Variants in NEDD1 observed in about 807,000 individuals in gnomAD.
NEDD1 encodes the protein protein NEDD1.
Under a neutral mutation model 74.0 loss-of-function variants are expected in NEDD1, and 33 were observed. The observed-to-expected ratio is 0.45, with a 90% CI of 0.34 to 0.60. NEDD1 has a LOEUF of 0.60. NEDD1 is among the 20% of genes least tolerant of loss of function. The pLI, the probability that NEDD1 is intolerant of heterozygous loss-of-function variation, is 0.01. For synonymous variants in NEDD1, 250 were observed against 264.4 expected (o/e 0.95, Z 0.53); for missense variants, 746 against 776.5 (o/e 0.96, Z 0.47).
At chr12:96,909,707 T>C in intron 2 of NEDD1, 45 bp from the exon 3 acceptor site, 1 of 1,514,638 alleles carries the variant, frequency 6.6e-7, no homozygotes, top group Non-Finnish European at 9.1e-7. Flanking sequence ...TGAGTATGTC[T>C]ATTCTTAAAT....
At chr12:96,936,952 T>C (rs1423427337) in intron 8 of NEDD1, 140 bp downstream of exon 8, 1 of 597,216 alleles carries the variant, frequency 1.7e-6, no homozygotes, top group Non-Finnish European at 2.8e-6. Flanking sequence ...ATAATAATTT[T>C]AGTACAAAGC....
Position 96,917,598 on chromosome 12 carries a change from CTTTTTTTT to C in NEDD1, c.232-14_232-7del. 1 of 1,358,050 alleles carries C rather than the reference CTTTTTTTT, an allele frequency of 7.4e-7. No homozygotes were observed. The highest frequency in any genetic ancestry group is 9.7e-7 in the Non-Finnish European group (1 of 1,031,260). The allele number at this position is 1,358,050 out of a possible 1,614,324, so 84.1% of individuals were successfully genotyped here. A position where few individuals can be genotyped will look rare whatever the true frequency, so the allele number is the denominator to read the frequency against. ...TCTGGGCTCTGTTAAATTAAGGTAACTTTTTTTTTTTTTTTTAAATAGCAAAAGCAGAC... is the reference window on the plus strand; with the variant it reads ...TCTGGGCTCTGTTAAATTAAGGTAACTTTTTTTTAAATAGCAAAAGCAGAC... On this transcript the variant is annotated splice_polypyrimidine_tract_variant and intron_variant, in intron 4 of 15. Transcript: ENST00000266742.
intron 14 of NEDD1, among the ~76,000 whole-genome samples, chr12:96,947,050 T>G (rs927533501): frequency 1.3e-5 from 2 of 152,202 alleles, no homozygotes; most frequent in Non-Finnish European, 2.9e-5. Flanking sequence ...AATAATTATC[T>G]ATTAGATTTT....
chr12:96,918,943 A>C (rs556716523), intron 5 of NEDD1, among the ~76,000 whole-genome samples: 1 of 152,344 alleles, frequency 6.6e-6, no homozygotes, highest in African/African-American at 2.4e-5. Context: ...AGGTAAAGAA[A>C]TCTCTGAAAA....
At chr12:96,918,970 T>A (rs908209989) in intron 5 of NEDD1, among the ~76,000 whole-genome samples, 4 of 152,158 alleles carry the variant, frequency 2.6e-5, no homozygotes, top group Non-Finnish European at 5.9e-5. Context: ...AAGGACCACT[T>A]GAAAAAGTTG....
At chr12:96,925,045 A>G (rs1565794284) in intron 6 of NEDD1, 1 of 271,146 alleles carries the variant, frequency 3.7e-6, no homozygotes, top group Non-Finnish European at 7.2e-6. Context: ...CCTATAATTC[A>G]TATTTATTCA....
At chr12:96,932,967 A>G (rs921039175) in intron 6 of NEDD1, among the ~76,000 whole-genome samples, 4 of 149,928 alleles carry the variant, frequency 2.7e-5, no homozygotes, top group Admixed American at 6.7e-5. Flanking sequence ...ACTTAGGTTT[A>G]TCTGAAGGGA....
chr12:96,935,314 A>C (rs530477785), intron 7 of NEDD1, 109 bp downstream of exon 7: 18 of 660,448 alleles, frequency 2.7e-5, no homozygotes, highest in Middle Eastern at 2.9e-4. Context: ...GGGGTCCTAA[A>C]GTTTGTACAG....
At chr12:96,907,926 G>A (rs990903976) in intron 2 of NEDD1, 70 bp downstream of exon 2, 111 of 1,255,488 alleles carry the variant, frequency 8.8e-5, no homozygotes, top group Non-Finnish European at 1.0e-4. Context: ...ATCACCCGGC[G>A]AGTTGTGTTT....
At chr12:96,925,946 T>C (rs1015480803) in intron 6 of NEDD1, among the ~76,000 whole-genome samples, 7 of 152,166 alleles carry the variant, frequency 4.6e-5, no homozygotes, top group Admixed American at 2.0e-4. Flanking sequence ...GCACCTTAGC[T>C]AGCTCAGTGA....
intron 14 of NEDD1, among the ~76,000 whole-genome samples, chr12:96,946,672 C>T (rs1028254994): frequency 1.3e-5 from 2 of 152,092 alleles, no homozygotes; most frequent in Middle Eastern, 3.2e-3. Context: ...CCACAAAGGC[C>T]TTGTGATGTA....
Position 96,943,665 on chromosome 12 carries a change from G to C in NEDD1, c.1400G>C (p.Gly467Ala). 6.2e-7 allele frequency: 1 copy of C among 1,610,958 alleles called. No homozygotes were observed. The highest frequency in any genetic ancestry group is 8.5e-7 in the Non-Finnish European group (1 of 1,177,354). Residue 467 changes from glycine to alanine, a missense_variant, in exon 12 of 16, where the codon GGA becomes GCA. Gly to Ala is a moderately conservative substitution (Grantham distance 60). This residue lies in a region of NEDD1 where 706 missense variants were observed against 706.7 expected (regional missense o/e 1.00). Transcript: ENST00000266742. ...LHSSPLNVFMGSPGKEENENR... is the reference protein window; with the variant it reads ...LHSSPLNVFMASPGKEENENR... ...TCTAGTCCTCTTAATGTTTTTATGG[G>C]ATCTCCAGGGAAAGAGGAAAATGAA...
At chr12:96,932,434 CTG>C in intron 6 of NEDD1, among the ~76,000 whole-genome samples, 1 of 25,848 alleles carries the variant, frequency 3.9e-5, no homozygotes, top group South Asian at 1.3e-3. Context: ...TGGCAAAATC[CTG>C]TCTCTTAAAA....
intron 6 of NEDD1, among the ~76,000 whole-genome samples, chr12:96,932,385 G>A (rs1456235106): frequency 2.2e-5 from 3 of 134,048 alleles, no homozygotes; most frequent in Non-Finnish European, 4.7e-5. Context: ...GGCAGGTGGA[G>A]TGCTTGAGTC....
chr12:96,936,474 C>G (rs2136587523), intron 7 of NEDD1, 137 bp from the exon 8 acceptor site: 2 of 613,912 alleles, frequency 3.3e-6, no homozygotes, highest in East Asian at 2.8e-5. Flanking sequence ...ATGCTTTAAA[C>G]AAATATTTGG....
Position 96,921,401 on chromosome 12 carries a change from G to A in NEDD1, c.489+1276G>A, listed in dbSNP as rs1021083160. The stretch of plus-strand genomic sequence containing the variant: ...TCACCATGTTGGCCAGGCTGGTCTT[G>A]GACTCCTGACCTCAGGTGATCCACC... On this transcript the variant is annotated intron_variant, in intron 6 of 15. Transcript: ENST00000266742. Among the ~76,000 whole-genome samples, 6 of 151,986 alleles carry A rather than the reference G, an allele frequency of 3.9e-5. No individual in the cohort carries two copies. In the East Asian group the frequency reaches 7.7e-4, roughly 20 times the overall value.
At chr12:96,919,201 C>T (rs1874794891) in intron 5 of NEDD1, among the ~76,000 whole-genome samples, 1 of 152,122 alleles carries the variant, frequency 6.6e-6, no homozygotes, top group South Asian at 2.1e-4. Context: ...AGTTTTACTT[C>T]CTCAAAGTGT....
At chr12:96,930,699 C>G (rs1418657618) in intron 6 of NEDD1, among the ~76,000 whole-genome samples, 2 of 152,100 alleles carry the variant, frequency 1.3e-5, no homozygotes, top group Non-Finnish European at 2.9e-5. Context: ...GCCACTCTTA[C>G]GAGTTAAGGC....
At chr12:96,933,936 T>C (rs1876816113) in intron 6 of NEDD1, among the ~76,000 whole-genome samples, 1 of 152,208 alleles carries the variant, frequency 6.6e-6, no homozygotes, top group East Asian at 1.9e-4. Context: ...TCTTTGTTTA[T>C]TCTGGTCCAT....
Sources: allele counts gnomAD v4.1 joint callset (sites outside exome capture counted in the v4.1 genomes callset), GRCh38; gene constraint gnomAD v4.1.1; regional missense constraint gnomAD v4.1.1; transcripts MANE v1.5; gene names NCBI Gene and HGNC (gene_info 2026-07-23, HGNC 2026-07-21).